PHLPP2: variants seen among roughly 807,000 people sequenced by gnomAD.
PHLPP2 encodes the protein PH domain and leucine rich repeat protein phosphatase 2, also known as PH domain leucine-rich repeat-containing protein phosphatase 2.
In PHLPP2, 66 loss-of-function variants were observed where a neutral mutation model predicts 124.9. The ratio of observed to expected loss-of-function variants is 0.53; its 90% confidence interval spans 0.43 to 0.65. PHLPP2 has a LOEUF of 0.65. Ranked by LOEUF, PHLPP2 falls within the 30% of genes least tolerant of loss-of-function variation. PHLPP2 has a pLI of 0.00. For missense variants in PHLPP2, 1,685 were observed against 1,600.4 expected, an observed-to-expected ratio of 1.05 and a Z score of -0.90; for synonymous variants, 681 against 624.7, an observed-to-expected ratio of 1.09 and a Z score of -1.34.
At position 71,676,519 on chromosome 16, in the gene PHLPP2, A is replaced by G; in HGVS notation, c.1399T>C (p.Cys467Arg). The G allele has an allele frequency of 6.2e-7, 1 of 1,614,162 alleles. No individual in the cohort carries two copies. The highest frequency in any genetic ancestry group is 8.5e-7 in the Non-Finnish European group (1 of 1,179,960). The change falls in exon 9 of 19, where the codon TGT (cysteine) becomes CGT (arginine). Residue 467 changes from cysteine (C) to arginine (R), a missense_variant. By Grantham distance (180) the Cys-to-Arg change is radical. Coordinates refer to ENST00000568954, the MANE Select transcript of PHLPP2 (RefSeq NM_015020.3). ...AGCTCCCTCAGCTGATTCCGCCCAC[A>G]GTGCAGCTGTTCCAAGCTGCATAAG... Reference protein sequence around the residue: ...SSLCSLEQLHCGRNQLRELTL... With the variant: ...SSLCSLEQLHRGRNQLRELTL...
rs773396475 is a variant in PHLPP2, at chr16:71,714,689, T to C, written c.107A>G (p.Tyr36Cys). ...EDVKRGCVYL[Y>C]GADTTTATTT... ...AGTGGCAGTGGTAGTGTCTGCTCCATAAAGGTAAACACAGCCTCTCTTTAC... is the reference window on the plus strand; with the variant it reads ...AGTGGCAGTGGTAGTGTCTGCTCCACAAAGGTAAACACAGCCTCTCTTTAC... The change falls in exon 2 of 19, where the codon TAT (tyrosine) becomes TGT (cysteine). Residue 36 changes from tyrosine to cysteine, a missense_variant. By Grantham distance (194) the Tyr-to-Cys change is radical. Coordinates refer to ENST00000568954, the MANE Select transcript of PHLPP2 (RefSeq NM_015020.3). 1.9e-6 allele frequency: 3 copies of C among 1,613,876 alleles called. No homozygotes were observed. Among genetic ancestry groups the C allele is most frequent in the Non-Finnish European group, 2.5e-6 (3 of 1,179,888 alleles).
At chr16:71,723,896 G>C (rs1244616113) in intron 1 of PHLPP2, 1 of 952,334 alleles carries the variant, frequency 1.1e-6, no homozygotes, top group South Asian at 5.0e-5. Flanking sequence ...AGAGACGCCC[G>C]GCCCGCGCGA....
rs571195307 is a variant in PHLPP2, at chr16:71,660,069, A to G, written c.1986-1254T>C. ...GATAAAAATAATATATACTCACTGA[A>G]AAAAACTGAAAAATAGAGACAAACA... On this transcript the variant is annotated intron_variant, in intron 13 of 18. Coordinates refer to ENST00000568954, the MANE Select transcript of PHLPP2 (RefSeq NM_015020.3). Among the ~76,000 whole-genome samples the G allele has an allele frequency of 5.3e-4, 81 of 152,176 alleles. 1 individual carries two copies. The highest frequency in any genetic ancestry group is 9.6e-4 in the Non-Finnish European group (65 of 67,992).
At position 71,714,643 on chromosome 16, in the gene PHLPP2, AGAG is replaced by A. The variant is rs1415133036; in HGVS notation, c.150_152del (p.Ser60del). On this transcript the variant is annotated inframe_deletion, in exon 2 of 19. Coordinates refer to ENST00000568954, the MANE Select transcript of PHLPP2 (RefSeq NM_015020.3). ...AGGAAGAGGAGGAGGAGGAAGAGGA[AGAG>A]GAGGTGGTGGTGGTTGTAGTGGCAG... The A allele has an allele frequency of 6.2e-7, 1 of 1,613,608 alleles. No individual in the cohort carries two copies. Among genetic ancestry groups the A allele is most frequent in the Non-Finnish European group, 8.5e-7 (1 of 1,179,570 alleles).
intron 2 of PHLPP2, among the ~76,000 whole-genome samples, chr16:71,704,714 G>A (rs1022494711): frequency 1.3e-5 from 2 of 152,162 alleles, no homozygotes; most frequent in Non-Finnish European, 2.9e-5. Context: ...TTCAGATTAT[G>A]TAGACATCAA....
chr16:71,682,684 T>C (rs1479322509), intron 5 of PHLPP2, among the ~76,000 whole-genome samples: 1 of 152,060 alleles, frequency 6.6e-6, no homozygotes, highest in African/African-American at 2.4e-5. Flanking sequence ...AATATTAACT[T>C]CTCTTTAAAA....
At chr16:71,653,800 T>C (rs993851221) in intron 17 of PHLPP2, among the ~76,000 whole-genome samples, 1 of 152,146 alleles carries the variant, frequency 6.6e-6, no homozygotes, top group Admixed American at 6.6e-5. Flanking sequence ...ATTATACTAC[T>C]GAAAAACTGA....
chr16:71,680,353 G>C (rs1233896198), intron 6 of PHLPP2, among the ~76,000 whole-genome samples: 1 of 152,134 alleles, frequency 6.6e-6, no homozygotes, highest in Admixed American at 6.5e-5. Flanking sequence ...AAACCAGTTA[G>C]AGCTTGAAAA....
intron 1 of PHLPP2, chr16:71,715,111 G>A: frequency 3.2e-6 from 1 of 316,482 alleles, no homozygotes; most frequent in Non-Finnish European, 5.8e-6. Flanking sequence ...CAGCACTTTG[G>A]GGGGCCAAGG....
rs11301738 is a variant in PHLPP2, at chr16:71,648,604, T to TA, written c.*285dup. On this transcript the variant is annotated 3_prime_UTR_variant, in exon 19 of 19. Transcript: ENST00000568954. ...GGCCAACATGGTGAAACCCCGTCTC[T>TA]AAAAAAAAAAAATAAAACTTAGCCG... 1,167 of 295,658 alleles carry TA rather than the reference T, an allele frequency of 3.9e-3. No homozygotes were observed. Among genetic ancestry groups the TA allele is most frequent in the Non-Finnish European group, 5.6e-3 (898 of 161,536 alleles). 18.3% of individuals were successfully genotyped at this position (295,658 alleles called of 1,614,324 possible).
rs1280101945 is a variant in PHLPP2, at chr16:71,649,886, G to C, written c.2976C>G (p.Ser992=). ...GTACAGCATTGACAGCTTCTGTGTA[G>C]GACAAGTGTTCCCACAATGCTTTGT... ...LGNKALWEHL[S]YTEAVNAVRH... The change falls in exon 19 of 19, where the codon TCC becomes TCG. Residue 992 remains serine (S), a synonymous_variant. Coordinates refer to ENST00000568954, the MANE Select transcript of PHLPP2 (RefSeq NM_015020.3). 3.1e-6 allele frequency: 5 copies of C among 1,614,212 alleles called. No homozygotes were observed.
chr16:71,705,543 G>C (rs559557127), intron 2 of PHLPP2, among the ~76,000 whole-genome samples: 3 of 150,762 alleles, frequency 2.0e-5, no homozygotes, highest in African/African-American at 7.3e-5. Flanking sequence ...CCGAAGTCTC[G>C]CTCTGTTGCC....
Position 71,702,657 on chromosome 16 carries a change from A to G in PHLPP2, c.359T>C (p.Val120Ala), listed in dbSNP as rs2045242979. The G allele has an allele frequency of 1.2e-6, 2 of 1,611,142 alleles. No homozygotes were observed. The highest frequency in any genetic ancestry group is 1.7e-5 in the Admixed American group (1 of 59,984). Residue 120 changes from valine (V) to alanine (A), a missense_variant, in exon 3 of 19, where the codon GTG becomes GCG. By Grantham distance (64) the Val-to-Ala change is moderately conservative. Transcript: ENST00000568954. ...YLSRLGFDDP[V>A]RIQEEATNPD... ...ATTTGTAGCCTCCTCCTGTATGCGC[A>G]CAGGATCATCAAATCCCAGCCTGGA...
chr16:71,648,120 G>GT lies in PHLPP2; in HGVS notation c.*769dup, dbSNP rs1393124618. The GT allele has an allele frequency of 2.0e-5, 3 of 152,658 alleles. No homozygotes were observed. Among genetic ancestry groups the GT allele is most frequent in the African/African-American group, 7.2e-5 (3 of 41,448 alleles). The allele number at this position is 152,658 out of a possible 1,614,324, so 9.5% of individuals were successfully genotyped here. ...CTCGTAGAGAAGAATGAAAAGCCAT[G>GT]TGACTAGTCACATCACACCCCATTA... On this transcript the variant is annotated 3_prime_UTR_variant, in exon 19 of 19. Coordinates refer to ENST00000568954, the MANE Select transcript of PHLPP2 (RefSeq NM_015020.3).
chr16:71,660,835 G>T (rs1366488438), intron 13 of PHLPP2, among the ~76,000 whole-genome samples: 6 of 151,976 alleles, frequency 3.9e-5, no homozygotes, highest in Non-Finnish European at 8.8e-5. Context: ...TCCTCAATCA[G>T]TTTCTGAGTA....
At chr16:71,707,280 C>T (rs1367867784) in intron 2 of PHLPP2, among the ~76,000 whole-genome samples, 1 of 152,114 alleles carries the variant, frequency 6.6e-6, no homozygotes, top group Admixed American at 6.6e-5. Context: ...TTACGCACCA[C>T]TGCTGAATAA....
At position 71,646,375 on chromosome 16, in the gene PHLPP2, T is replaced by C. The variant is rs776269329; in HGVS notation, c.*2515A>G. 1.3e-5 allele frequency: 2 copies of C among 152,152 alleles called. No individual in the cohort carries two copies. The highest frequency in any genetic ancestry group is 2.4e-5 in the African/African-American group (1 of 41,456). The allele number at this position is 152,152 out of a possible 1,614,324, so 9.4% of individuals were successfully genotyped here. ...ATTTTCAATACAACCTAATGGTTCC[T>C]GAAAAAAAATTCTACCACACAGAAC... On this transcript the variant is annotated 3_prime_UTR_variant, in exon 19 of 19. Coordinates refer to ENST00000568954, the MANE Select transcript of PHLPP2 (RefSeq NM_015020.3).
chr16:71,649,078 G>T lies in PHLPP2; in HGVS notation c.3784C>A (p.Pro1262Thr). The change falls in exon 19 of 19, where the codon CCC (proline) becomes ACC (threonine). Residue 1262 changes from proline to threonine, a missense_variant. Physicochemically the swap from Pro to Thr is conservative, Grantham distance 38. Coordinates refer to ENST00000568954, the MANE Select transcript of PHLPP2 (RefSeq NM_015020.3). ...GCAAAATAGCCAGTTTTCCTCTTGG[G>T]CACTTCTGTGGCCACTTCAATGAGG... ...LNLIEVATEV[P>T]KRKTGYFAAP... The T allele has an allele frequency of 6.2e-7, 1 of 1,614,008 alleles. No homozygotes were observed. Among genetic ancestry groups the T allele is most frequent in the Non-Finnish European group, 8.5e-7 (1 of 1,179,930 alleles).
At chr16:71,674,704 T>A (rs2044929321) in intron 9 of PHLPP2, among the ~76,000 whole-genome samples, 1 of 152,092 alleles carries the variant, frequency 6.6e-6, no homozygotes, top group African/African-American at 2.4e-5. Flanking sequence ...CTATTAATAA[T>A]CCTACTTTTA....
Sources: allele counts gnomAD v4.1 joint callset (sites outside exome capture counted in the v4.1 genomes callset), GRCh38; gene constraint gnomAD v4.1.1; transcripts MANE v1.5; gene names NCBI Gene and HGNC (gene_info 2026-07-23, HGNC 2026-07-21).